The following LHFPL3 variants were observed in gnomAD, a reference collection of about 807,000 sequenced individuals.
The protein encoded by LHFPL3 is LHFPL tetraspan subfamily member 3 protein.
Under a neutral mutation model 19.3 loss-of-function variants are expected in LHFPL3, and 5 were observed. That is an observed-to-expected ratio of 0.26 (90% CI 0.14 to 0.54). LHFPL3 has a LOEUF of 0.54. Ranked by LOEUF, LHFPL3 falls within the 20% of genes least tolerant of loss-of-function variation. The probability of loss-of-function intolerance (pLI) is 0.94; values close to 1 mark genes in which losing one functional copy is unlikely to be tolerated. For missense variants in LHFPL3, 249 were observed against 307.4 expected, an observed-to-expected ratio of 0.81 and a Z score of 1.42; for synonymous variants, 133 against 126.2, an observed-to-expected ratio of 1.05 and a Z score of -0.36.
intron 1 of LHFPL3, among the ~76,000 whole-genome samples, chr7:104,649,889 A>G (rs1300363212): frequency 6.6e-6 from 1 of 152,210 alleles, no homozygotes; most frequent in Non-Finnish European, 1.5e-5. Flanking sequence ...TTACATTGAC[A>G]GCATCTGGGG....
intron 1 of LHFPL3, among the ~76,000 whole-genome samples, chr7:104,538,714 A>G (rs1223442201): frequency 6.6e-6 from 1 of 152,230 alleles, no homozygotes; most frequent in African/African-American, 2.4e-5. Flanking sequence ...AAGAATAGCA[A>G]AAGTGGGTAT....
chr7:104,728,762 A>C (rs571965581), intron 1 of LHFPL3, among the ~76,000 whole-genome samples: 1 of 152,124 alleles, frequency 6.6e-6, no homozygotes, highest in Admixed American at 6.6e-5. Context: ...CTGACAAAAC[A>C]TTAGCTCCAT....
rs138421801 is a variant in LHFPL3, at chr7:104,442,501, A to G, written c.445+113277A>G. Among the ~76,000 whole-genome samples, 25 of 152,328 alleles carry G rather than the reference A, an allele frequency of 1.6e-4. No individual in the cohort carries two copies. The East Asian group carries it at 4.2e-3, about 26-fold the overall frequency. On this transcript the variant is annotated intron_variant, in intron 1 of 2. Transcript: ENST00000424859. ...AAAAGTATCCAAAATCTAGAAGAAA[A>G]TATGTTTAACTCAGTACATTGCTAA...
intron 1 of LHFPL3, among the ~76,000 whole-genome samples, chr7:104,672,128 T>A (rs937652014): frequency 3.3e-5 from 5 of 151,764 alleles, no homozygotes; most frequent in African/African-American, 1.2e-4. Flanking sequence ...TGTAGTAGGG[T>A]GTATGCAGGG....
intron 1 of LHFPL3, among the ~76,000 whole-genome samples, chr7:104,383,481 C>T (rs1462693455): frequency 1.3e-5 from 2 of 152,302 alleles, no homozygotes; most frequent in South Asian, 2.1e-4. Flanking sequence ...TCAAGATCTT[C>T]GGTTTAACAA....
intron 1 of LHFPL3, among the ~76,000 whole-genome samples, chr7:104,584,646 T>A (rs1790530320): frequency 1.3e-5 from 2 of 152,092 alleles, no homozygotes; most frequent in South Asian, 4.1e-4. Context: ...ACTAACCAAA[T>A]GAAGAAAGTC....
chr7:104,826,482 GC>G, intron 2 of LHFPL3: 1 of 163,838 alleles, frequency 6.1e-6, no homozygotes. Context: ...GCCTTACCTG[GC>G]CCAAATCCTA....
chr7:104,357,454 G>A (rs1421772346), intron 1 of LHFPL3, among the ~76,000 whole-genome samples: 2 of 152,192 alleles, frequency 1.3e-5, no homozygotes, highest in African/African-American at 4.8e-5. Flanking sequence ...ACATCCATTT[G>A]TAAAGGACAT....
intron 1 of LHFPL3, among the ~76,000 whole-genome samples, chr7:104,508,912 A>C (rs572169270): frequency 6.6e-6 from 1 of 152,246 alleles, no homozygotes; most frequent in South Asian, 2.1e-4. Context: ...ATCAACAATG[A>C]AATAGGTATA....
intron 1 of LHFPL3, among the ~76,000 whole-genome samples, chr7:104,391,212 G>T (rs970085894): frequency 1.3e-5 from 2 of 152,050 alleles, no homozygotes; most frequent in African/African-American, 2.4e-5. Flanking sequence ...GTCAATTTTG[G>T]TTTTTGTTGC....
At chr7:104,430,782 T>G (rs1475198730) in intron 1 of LHFPL3, among the ~76,000 whole-genome samples, 1 of 151,788 alleles carries the variant, frequency 6.6e-6, no homozygotes, top group East Asian at 1.9e-4. Flanking sequence ...TGTGGGCTGA[T>G]TTTTAAGCAA....
At chr7:104,387,106 C>T (rs1252302135) in intron 1 of LHFPL3, among the ~76,000 whole-genome samples, 1 of 152,048 alleles carries the variant, frequency 6.6e-6, no homozygotes, top group Non-Finnish European at 1.5e-5. Flanking sequence ...TAAAGGAAAC[C>T]ATGTCTAAAG....
chr7:104,842,271 T>C (rs1791228853), intron 2 of LHFPL3, among the ~76,000 whole-genome samples: 3 of 108,216 alleles, frequency 2.8e-5, no homozygotes, highest in South Asian at 6.9e-4. Flanking sequence ...GCTCCTCCTC[T>C]AGCGGTAGAA....
At position 104,829,480 on chromosome 7, in the gene LHFPL3, A is replaced by C. The variant is rs562264505; in HGVS notation, c.683-76707A>C. The stretch of plus-strand genomic sequence containing the variant: ...TATCTCCTAATGCTATCCCTCCCCC[A>C]TCCCCCTACCCCACAACAGTCCCCG... On this transcript the variant is annotated intron_variant, in intron 2 of 2. Coordinates refer to ENST00000424859, the MANE Select transcript of LHFPL3 (RefSeq NM_199000.3). 1.8e-3 allele frequency among the ~76,000 whole-genome samples: 276 copies of C among 150,866 alleles called. 2 individuals are homozygous for C. The highest frequency in any genetic ancestry group is 3.4e-3 in the Middle Eastern group (1 of 294).
rs74301016 is a variant in LHFPL3, at chr7:104,664,325, T to A, written c.446-72350T>A. 4.0e-3 allele frequency among the ~76,000 whole-genome samples: 585 copies of A among 144,918 alleles called. 4 individuals carry two copies. Among genetic ancestry groups the A allele is most frequent in the Middle Eastern group, 0.011 (3 of 280 alleles). On this transcript the variant is annotated intron_variant, in intron 1 of 2. Transcript: ENST00000424859. ...TTTCTTTCAGCTTCTATAAAAAAAA[T>A]GACCCTCCAATTCTTTTTGAATACA... is the stretch of plus-strand genomic sequence containing the variant.
intron 1 of LHFPL3, among the ~76,000 whole-genome samples, chr7:104,384,738 G>A (rs1790899901): frequency 1.4e-5 from 2 of 138,264 alleles, no homozygotes. Flanking sequence ...CGTGAGCCAA[G>A]ATCGTGCCAC....
chr7:104,519,014 T>G (rs1793989751), intron 1 of LHFPL3, among the ~76,000 whole-genome samples: 1 of 152,130 alleles, frequency 6.6e-6, no homozygotes, highest in Admixed American at 6.6e-5. Context: ...CATTTTTGCT[T>G]GTCTTAGAGC....
intron 1 of LHFPL3, among the ~76,000 whole-genome samples, chr7:104,510,132 C>G (rs1245087373): frequency 2.0e-5 from 3 of 152,056 alleles, no homozygotes; most frequent in Non-Finnish European, 4.4e-5. Context: ...GGTTGGAAGA[C>G]TCACTATAGT....
At chr7:104,795,400 C>T (rs1790104663) in intron 2 of LHFPL3, among the ~76,000 whole-genome samples, 2 of 152,192 alleles carry the variant, frequency 1.3e-5, no homozygotes, top group Admixed American at 6.5e-5. Context: ...CCCCGTCCCT[C>T]GCCTCTTTCT....
Sources: gnomAD v4.1 joint callset for allele counts (sites outside exome capture counted in the v4.1 genomes callset) on GRCh38, gnomAD v4.1.1 for gene constraint, MANE v1.5 for transcripts, NCBI Gene and HGNC (gene_info 2026-07-23, HGNC 2026-07-21) for gene names.